The following SDK1 variants were observed in gnomAD, a reference collection of about 807,000 sequenced individuals.
SDK1 encodes protein sidekick-1.
A neutral mutation model predicts 245.5 loss-of-function variants in SDK1; 157 were observed. That is an observed-to-expected ratio of 0.64 (90% CI 0.56 to 0.73). The LOEUF (loss-of-function observed/expected upper bound fraction) is 0.73, where lower values mean the gene tolerates loss of function less well. Among genes scored for constraint, SDK1 ranks in the 30% least tolerant of loss-of-function variants. The pLI is 0.00. For missense variants in SDK1, 3,583 were observed against 3,002.3 expected (o/e 1.19, Z -4.52); for synonymous variants, 1,647 against 1,278.5 (o/e 1.29, Z -6.15).
chr7:3,740,634 G>T (rs1266897004), intron 4 of SDK1, among the ~76,000 whole-genome samples: 1 of 152,150 alleles, frequency 6.6e-6, no homozygotes, highest in Non-Finnish European at 1.5e-5. Flanking sequence ...TCCTGTAGTT[G>T]CAAGACTGTT....
intron 4 of SDK1, among the ~76,000 whole-genome samples, chr7:3,729,060 G>A (rs1036609709): frequency 2.5e-4 from 38 of 152,150 alleles, no homozygotes; most frequent in African/African-American, 8.0e-4. Context: ...TGTGAAATCC[G>A]GCTTGATCAT....
intron 17 of SDK1, among the ~76,000 whole-genome samples, chr7:4,017,649 T>G (rs1384201466): frequency 6.6e-6 from 1 of 152,222 alleles, no homozygotes; most frequent in Non-Finnish European, 1.5e-5. Flanking sequence ...TGGATTTTTC[T>G]AAATGGAATG....
At chr7:4,117,730 C>T (rs1011760707) in intron 25 of SDK1, among the ~76,000 whole-genome samples, 1 of 152,186 alleles carries the variant, frequency 6.6e-6, no homozygotes, top group Non-Finnish European at 1.5e-5. Flanking sequence ...AGTGTGTCTG[C>T]AGGTGCCACC....
Position 4,049,372 on chromosome 7 carries a change from T to C in SDK1, c.2627T>C (p.Val876Ala). ...GTGCCCACCGCGCCCCCGCAGAACG[T>C]GCAGACGGAAGCCGTGAACTCCACC... ...QGVPTAPPQN[V>A]QTEAVNSTTI... The change falls in exon 18 of 45, where the codon GTG (valine) becomes GCG (alanine). Residue 876 changes from valine to alanine, a missense_variant. Coordinates refer to ENST00000404826, the MANE Select transcript of SDK1 (RefSeq NM_152744.4). The C allele has an allele frequency of 1.2e-6, 2 of 1,614,110 alleles. No homozygotes were observed. Among genetic ancestry groups the C allele is most frequent in the African/African-American group, 1.3e-5 (1 of 75,060 alleles).
At chr7:3,597,868 T>C (rs1001574245) in intron 1 of SDK1, among the ~76,000 whole-genome samples, 3 of 152,224 alleles carry the variant, frequency 2.0e-5, no homozygotes, top group Non-Finnish European at 2.9e-5. Flanking sequence ...GTTTTCCATG[T>C]AGGGCACTAT....
At chr7:3,354,517 A>G (rs1464672589) in intron 1 of SDK1, among the ~76,000 whole-genome samples, 2 of 152,234 alleles carry the variant, frequency 1.3e-5, no homozygotes, top group East Asian at 1.9e-4. Flanking sequence ...TAAAGTTAAC[A>G]GTCTTAACAC....
At chr7:3,868,441 T>G (rs1482227114) in intron 5 of SDK1, among the ~76,000 whole-genome samples, 1 of 152,208 alleles carries the variant, frequency 6.6e-6, no homozygotes, top group East Asian at 1.9e-4. Flanking sequence ...AGCCACCTTA[T>G]CAAAGTCAGC....
At chr7:3,950,271 C>A (rs915027941) in intron 5 of SDK1, among the ~76,000 whole-genome samples, 3 of 152,188 alleles carry the variant, frequency 2.0e-5, no homozygotes, top group Admixed American at 2.0e-4. Context: ...TGCCCCAGGG[C>A]TTCTCATGGG....
intron 1 of SDK1, among the ~76,000 whole-genome samples, chr7:3,340,378 A>C (rs1181320693): frequency 6.6e-6 from 1 of 152,216 alleles, no homozygotes. Context: ...TGCTGACACA[A>C]AGTGAGCACA....
intron 27 of SDK1, among the ~76,000 whole-genome samples, chr7:4,131,214 C>T (rs1784792447): frequency 6.6e-6 from 1 of 152,214 alleles, no homozygotes; most frequent in South Asian, 2.1e-4. Flanking sequence ...CAACTGTTCC[C>T]TCCTGAAGCA....
At chr7:4,149,577 C>G in intron 30 of SDK1, 114 bp downstream of exon 30, 1 of 622,452 alleles carries the variant, frequency 1.6e-6, no homozygotes, top group Non-Finnish European at 2.5e-6. Flanking sequence ...CCCCTGAGAG[C>G]ACAGGCCCCC....
At chr7:3,384,688 C>G (rs1257485693) in intron 1 of SDK1, among the ~76,000 whole-genome samples, 1 of 152,222 alleles carries the variant, frequency 6.6e-6, no homozygotes, top group East Asian at 1.9e-4. Context: ...TCGCGAATTT[C>G]CAGCATTCAA....
At chr7:3,984,316 C>G (rs1049338669) in intron 13 of SDK1, among the ~76,000 whole-genome samples, 2 of 152,116 alleles carry the variant, frequency 1.3e-5, no homozygotes, top group African/African-American at 2.4e-5. Flanking sequence ...GCACTGCAGC[C>G]TCAAGAGAAA....
chr7:3,395,144 T>A (rs111691204), intron 1 of SDK1, among the ~76,000 whole-genome samples: 169 of 152,150 alleles, frequency 1.1e-3, no homozygotes, highest in African/African-American at 3.9e-3. Flanking sequence ...TTGCACATGT[T>A]ACCAGGTTCT....
At chr7:3,770,024 T>C (rs760975460) in intron 4 of SDK1, among the ~76,000 whole-genome samples, 5 of 151,654 alleles carry the variant, frequency 3.3e-5, no homozygotes, top group Non-Finnish European at 7.4e-5. Context: ...CCTACTACAG[T>C]CTCCATTCAT....
At chr7:3,354,318 T>G (rs1780737548) in intron 1 of SDK1, among the ~76,000 whole-genome samples, 1 of 151,884 alleles carries the variant, frequency 6.6e-6, no homozygotes, top group Non-Finnish European at 1.5e-5. Flanking sequence ...ATTCAGATTA[T>G]TAAGTCAAAC....
At chr7:3,501,441 A>G (rs1782212100) in intron 1 of SDK1, among the ~76,000 whole-genome samples, 1 of 151,900 alleles carries the variant, frequency 6.6e-6, no homozygotes, top group African/African-American at 2.4e-5. Flanking sequence ...TGACAGCCTA[A>G]GGGATTGGCC....
rs1432177807 is a variant in SDK1 at position 3,327,188 on chromosome 7, G to T, written c.298+25304G>T. On this transcript the variant is annotated intron_variant, in intron 1 of 44. Coordinates refer to ENST00000404826, the MANE Select transcript of SDK1 (RefSeq NM_152744.4). ...TCCAGAAGAGAGTGACCAGCATGGT[G>T]ATATTAGAGAATAGTGTCACACAGG... Among the ~76,000 whole-genome samples the T allele has an allele frequency of 2.0e-5, 3 of 152,150 alleles. No individual in the cohort carries two copies. The South Asian group carries it at 6.2e-4, about 31-fold the overall frequency.
chr7:3,605,425 G>T (rs1332666388), intron 1 of SDK1, among the ~76,000 whole-genome samples: 1 of 152,196 alleles, frequency 6.6e-6, no homozygotes, highest in Non-Finnish European at 1.5e-5. Flanking sequence ...GTGAACTGCT[G>T]AGTCTCATCT....
Sources: gnomAD v4.1 joint callset for allele counts (sites outside exome capture counted in the v4.1 genomes callset) on GRCh38, gnomAD v4.1.1 for gene constraint, MANE v1.5 for transcripts, NCBI Gene and HGNC (gene_info 2026-07-23, HGNC 2026-07-21) for gene names.